The following MUC21 variants were observed in gnomAD, a reference collection of about 807,000 sequenced individuals.
The protein encoded by MUC21 is mucin-21.
MUC21 carries 8 observed loss-of-function variants against 9.1 expected under a neutral mutation model. The ratio of observed to expected loss-of-function variants is 0.88; its 90% CI spans 0.52 to 1.59. The LOEUF (loss-of-function observed/expected upper bound fraction) is 1.59, where lower values mean the gene tolerates loss of function less well. MUC21 is among the 40% of genes most tolerant of loss of function. MUC21 has a pLI of 0.00. For synonymous variants in MUC21, 189 were observed against 275.2 expected, an observed-to-expected ratio of 0.69 and a Z score of 3.10; for missense variants, 478 against 694.2, an observed-to-expected ratio of 0.69 and a Z score of 3.50.
Position 30,987,648 on chromosome 6 carries a change from C to A in MUC21, c.1473C>A (p.Ala491=). ...FLITLVSVVA[A]VGLFAGLFFC... ...TCACCCTGGTCTCGGTTGTGGCGGC[C>A]GTGGGGCTCTTTGCTGGGCTCTTCT... The change falls in exon 2 of 3, where the codon GCC becomes GCA. Residue 491 remains alanine (A), a synonymous_variant. Coordinates refer to ENST00000376296, the MANE Select transcript of MUC21 (RefSeq NM_001010909.5). 1 of 1,613,988 alleles carries A rather than the reference C, an allele frequency of 6.2e-7. No individual in the cohort carries two copies.
At position 30,988,593 on chromosome 6, in the gene MUC21, C is replaced by A. The variant is rs73727149; in HGVS notation, c.*399C>A. 318 of 175,850 alleles carry A rather than the reference C, an allele frequency of 1.8e-3. 1 individual carries two copies. The highest frequency in any genetic ancestry group is 6.8e-3 in the African/African-American group (289 of 42,264). The allele number at this position is 175,850 out of a possible 1,614,324, so 10.9% of individuals were successfully genotyped here. A position where few individuals can be genotyped will look rare whatever the true frequency, so the allele number is the denominator to read the frequency against. On this transcript the variant is annotated 3_prime_UTR_variant, in exon 3 of 3. Transcript: ENST00000376296. ...ATTTTCTAATCCTTTTTGCCCCAGGCAAGGTCCCTGTATCTCTGAGACACC... is the reference window on the plus strand; with the variant it reads ...ATTTTCTAATCCTTTTTGCCCCAGGAAAGGTCCCTGTATCTCTGAGACACC...
At chr6:30,987,878 G>A in intron 2 of MUC21, 122 bp from the exon 3 acceptor site, 3 of 1,083,692 alleles carry the variant, frequency 2.8e-6, no homozygotes, top group South Asian at 1.4e-5. Context: ...AGAAAGGACT[G>A]GAGAAAGGAG....
At position 30,987,119 on chromosome 6, in the gene MUC21, C is replaced by A; in HGVS notation, c.944C>A (p.Ala315Asp). The change falls in exon 2 of 3, where the codon GCC (alanine) becomes GAC (aspartate). Residue 315 changes from alanine to aspartate, a missense_variant. Around this residue, in one of 5 missense-constraint regions of MUC21, gnomAD observed 155 missense variants for 235.2 expected, o/e 0.66. Transcript: ENST00000376296. ...ACGACCTCCAGTGGGGCCAACACAG[C>A]CACCAACTCTGACTCCAGCACAACC... The part of the protein sequence containing the change: ...SSTTSSGANT[A>D]TNSDSSTTSS... 2.5e-6 allele frequency: 4 copies of A among 1,575,800 alleles called. No homozygotes were observed. Among genetic ancestry groups the A allele is most frequent in the Non-Finnish European group, 3.5e-6 (4 of 1,153,998 alleles).
chr6:30,984,678 A>G (rs1185281978), intron 1 of MUC21, among the ~76,000 whole-genome samples: 2 of 151,886 alleles, frequency 1.3e-5, no homozygotes, highest in African/African-American at 4.8e-5. Flanking sequence ...TCAAAAAAAT[A>G]AAATAATAAA....
In MUC21 at chr6:30,988,168, A is replaced by C. The variant is rs1048095598; in HGVS notation, c.1675A>C (p.Met559Leu). The change falls in exon 3 of 3, where the codon ATG becomes CTG. Residue 559 changes from methionine to leucine, a missense_variant. Met to Leu is a conservative substitution (Grantham distance 15). Coordinates refer to ENST00000376296, the MANE Select transcript of MUC21 (RefSeq NM_001010909.5). ...RRPVSSIAMEMSGRNSGP is the reference protein window; with the variant it reads ...RRPVSSIAMELSGRNSGP ...ACCAGTATCCTCGATAGCCATGGAGATGAGCGGGAGGAACAGCGGGCCCTG... is the reference window on the plus strand; with the variant it reads ...ACCAGTATCCTCGATAGCCATGGAGCTGAGCGGGAGGAACAGCGGGCCCTG... 11 of 1,612,338 alleles carry C rather than the reference A, an allele frequency of 6.8e-6. No homozygotes were observed. The highest frequency in any genetic ancestry group is 8.5e-6 in the Non-Finnish European group (10 of 1,179,932).
rs747956679 is a variant in MUC21, at chr6:30,988,070, T to C, written c.1577T>C (p.Leu526Pro). 6.3e-7 allele frequency: 1 copy of C among 1,589,760 alleles called. No homozygotes were observed. Among genetic ancestry groups the C allele is most frequent in the Non-Finnish European group, 8.6e-7 (1 of 1,158,776 alleles). The change falls in exon 3 of 3, where the codon CTT becomes CCT. Residue 526 changes from leucine to proline, a missense_variant. Physicochemically the swap from Leu to Pro is moderately conservative, Grantham distance 98 (BLOSUM62 -3). Coordinates refer to ENST00000376296, the MANE Select transcript of MUC21 (RefSeq NM_001010909.5). ...VYHPHGLNHG[L>P]GPGPGGNHGA... is the part of the protein sequence containing the mutation. ...CACCCTCATGGCCTCAACCATGGCC[T>C]TGGTCCAGGCCCTGGAGGGAATCAT...
Position 30,986,679 on chromosome 6 carries a change from T to G in MUC21, c.504T>G (p.Ser168=), listed in dbSNP as rs1312949924. Residue 168 remains serine (S), a synonymous_variant, in exon 2 of 3, where the codon TCT becomes TCG. Transcript: ENST00000376296. ...GTGAGGCCAGCACAGCCACCAACTC[T>G]GAGTCCAGCACAACCTCCAGTGGGG... is the stretch of plus-strand genomic sequence containing the variant. ...TSSEASTATN[S]ESSTTSSGAS... 2 of 1,587,524 alleles carry G rather than the reference T, an allele frequency of 1.3e-6. No homozygotes were observed. Among genetic ancestry groups the G allele is most frequent in the Non-Finnish European group, 1.7e-6 (2 of 1,164,378 alleles).
In MUC21 at chr6:30,987,555, T is replaced by C. The variant is rs902700097; in HGVS notation, c.1380T>C (p.His460=). 20 of 1,614,264 alleles carry C rather than the reference T, an allele frequency of 1.2e-5. No individual in the cohort carries two copies. The highest frequency in any genetic ancestry group is 1.5e-5 in the Non-Finnish European group (18 of 1,180,044). ...TGACTGGAATGCACACAACTTCCCA[T>C]AGTGCATCTACTGCAGTGAGTGAGG... ...AALTGMHTTS[H]SASTAVSEAK... is the part of the protein sequence containing the mutation. The change falls in exon 2 of 3, where the codon CAT becomes CAC. Residue 460 remains histidine, a synonymous_variant. Transcript: ENST00000376296.
At position 30,987,657 on chromosome 6, in the gene MUC21, C is replaced by T. The variant is rs759909614; in HGVS notation, c.1482C>T (p.Leu494=). 1.1e-5 allele frequency: 17 copies of T among 1,613,910 alleles called. No individual in the cohort carries two copies. The highest frequency in any genetic ancestry group is 1.1e-5 in the Non-Finnish European group (13 of 1,179,964). Residue 494 remains leucine, a synonymous_variant, in exon 2 of 3, where the codon CTC becomes CTT. Transcript: ENST00000376296. ...TLVSVVAAVG[L]FAGLFFCVRN... ...TCTCGGTTGTGGCGGCCGTGGGGCT[C>T]TTTGCTGGGCTCTTCTTCTGTGTGG...
Position 30,986,747 on chromosome 6 carries a change from G to C in MUC21, c.572G>C (p.Arg191Thr), listed in dbSNP as rs760837670. Residue 191 changes from arginine (R) to threonine (T), a missense_variant, in exon 2 of 3, where the codon AGG (arginine) becomes ACG (threonine). Physicochemically the swap from Arg to Thr is moderately conservative, Grantham distance 71 (BLOSUM62 -1). Coordinates refer to ENST00000376296, the MANE Select transcript of MUC21 (RefSeq NM_001010909.5). ...TCTGAGTCCAGCACAGTGTCCAGTA[G>C]GGCCAGCACTGCCACCAACTCTGAG... The part of the protein sequence containing the change: ...TNSESSTVSS[R>T]ASTATNSESS... 1 of 1,578,804 alleles carries C rather than the reference G, an allele frequency of 6.3e-7. No individual in the cohort carries two copies. The highest frequency in any genetic ancestry group is 1.4e-5 in the African/African-American group (1 of 73,208).
At chr6:30,984,273 G>A (rs1388994277) in intron 1 of MUC21, 1 of 409,636 alleles carries the variant, frequency 2.4e-6, no homozygotes, top group Non-Finnish European at 4.3e-6. Context: ...TAGGTCAGTT[G>A]CTTCTCTGCG....
chr6:30,986,490 C>T lies in MUC21; in HGVS notation c.315C>T (p.Ala105=), dbSNP rs553942606. The T allele has an allele frequency of 8.2e-6, 13 of 1,580,716 alleles. No individual in the cohort carries two copies. Among genetic ancestry groups the T allele is most frequent in the Non-Finnish European group, 8.7e-6 (10 of 1,154,204 alleles). ...CAGTGTCCAGTGGGATCAGCATAGC[C>T]ACCAACTCTGAGTCCAGCACAACCT... ...FSTVSSGISI[A]TNSESSTTSS... Residue 105 remains alanine (A), a synonymous_variant, in exon 2 of 3, where the codon GCC becomes GCT. Transcript: ENST00000376296.
At chr6:30,984,842 G>C (rs1762180483) in intron 1 of MUC21, among the ~76,000 whole-genome samples, 1 of 150,930 alleles carries the variant, frequency 6.6e-6, no homozygotes, top group African/African-American at 2.5e-5. Flanking sequence ...TGGCGGGGTG[G>C]CTTATGCCTG....
intron 1 of MUC21, 127 bp from the exon 2 acceptor site, chr6:30,986,110 A>C: frequency 1.1e-6 from 1 of 871,996 alleles, no homozygotes; most frequent in Admixed American, 2.9e-5. Context: ...TCAGCTGGTG[A>C]TAATAATAGC....
chr6:30,984,003 A>G lies in MUC21; in HGVS notation c.45A>G (p.Leu15=), dbSNP rs1209928940. ...ATGTTCTCCTTATGTTTGGTCTACT[A>G]TTGCATTTAGAAGCTGGTGAGTGAT... ...KGNVLLMFGL[L]LHLEAATNSN... Residue 15 remains leucine, a synonymous_variant, in exon 1 of 3, where the codon CTA becomes CTG. Coordinates refer to ENST00000376296, the MANE Select transcript of MUC21 (RefSeq NM_001010909.5). 1.3e-6 allele frequency: 1 copy of G among 779,712 alleles called. No homozygotes were observed. The highest frequency in any genetic ancestry group is 1.7e-5 in the African/African-American group (1 of 59,122). The allele number at this position is 779,712 out of a possible 1,614,324, so 48.3% of individuals were successfully genotyped here.
Position 30,986,268 on chromosome 6 carries a change from C to A in MUC21, c.93C>A (p.Ala31=), listed in dbSNP as rs1220467541. 2.5e-6 allele frequency: 4 copies of A among 1,613,724 alleles called. No individual in the cohort carries two copies. Among genetic ancestry groups the A allele is most frequent in the Non-Finnish European group, 3.4e-6 (4 of 1,179,740 alleles). The change falls in exon 2 of 3, where the codon GCC becomes GCA. Residue 31 remains alanine (A), a synonymous_variant. Coordinates refer to ENST00000376296, the MANE Select transcript of MUC21 (RefSeq NM_001010909.5). ...ATTCCAATGAGACTAGCACCTCTGC[C>A]AACACTGGATCCAGTGTGATCTCCA... The part of the protein sequence containing the change: ...ATNSNETSTS[A]NTGSSVISSG...
Position 30,986,339 on chromosome 6 carries a change from G to C in MUC21, c.164G>C (p.Ser55Thr). 6.2e-7 allele frequency: 1 copy of C among 1,612,944 alleles called. No individual in the cohort carries two copies. The highest frequency in any genetic ancestry group is 8.5e-7 in the Non-Finnish European group (1 of 1,179,436). Reference sequence around the variant, plus strand: ...AACTCTGGGTCCAGTGTGACCTCCAGTGGGGTCAGCACAGCCACCATCTCA... The same window carrying C: ...AACTCTGGGTCCAGTGTGACCTCCACTGGGGTCAGCACAGCCACCATCTCA... ...ATNSGSSVTS[S>T]GVSTATISGS... Residue 55 changes from serine (S) to threonine (T), a missense_variant, in exon 2 of 3, where the codon AGT becomes ACT. Physicochemically the swap from Ser to Thr is moderately conservative, Grantham distance 58. Around this residue, in one of 5 missense-constraint regions of MUC21, gnomAD observed 110 missense variants for 108.3 expected, o/e 1.02. Coordinates refer to ENST00000376296, the MANE Select transcript of MUC21 (RefSeq NM_001010909.5).
intron 1 of MUC21, 101 bp from the exon 2 acceptor site, chr6:30,986,136 C>T: frequency 9.9e-7 from 1 of 1,007,306 alleles, no homozygotes; most frequent in Non-Finnish European, 1.5e-6. Context: ...TGTTATAGCA[C>T]CATAGTGAGC....
rs371928221 is a variant in MUC21, at chr6:30,986,308, G to A, written c.133G>A (p.Ala45Thr). 133 of 1,613,764 alleles carry A rather than the reference G, an allele frequency of 8.2e-5. No individual in the cohort carries two copies. The highest frequency in any genetic ancestry group is 1.0e-4 in the Non-Finnish European group (123 of 1,179,856). The change falls in exon 2 of 3, where the codon GCC becomes ACC. Residue 45 changes from alanine to threonine, a missense_variant. Ala to Thr is a moderately conservative substitution (Grantham distance 58). Around this residue, in one of 5 missense-constraint regions of MUC21, gnomAD observed 110 missense variants for 108.3 expected, o/e 1.02. Transcript: ENST00000376296. ...TGTGATCTCCAGTGGAGCCAGCACA[G>A]CCACCAACTCTGGGTCCAGTGTGAC... Reference protein sequence around the residue: ...SSVISSGASTATNSGSSVTSS... With the variant: ...SSVISSGASTTTNSGSSVTSS...
Sources: gnomAD v4.1 joint callset for allele counts (sites outside exome capture counted in the v4.1 genomes callset) on GRCh38, gnomAD v4.1.1 for gene constraint, gnomAD v4.1.1 regional missense constraint, MANE v1.5 for transcripts, NCBI Gene and HGNC (gene_info 2026-07-23, HGNC 2026-07-21) for gene names.